Variants in GRIK3 observed in about 807,000 individuals in gnomAD.
The protein encoded by GRIK3 is glutamate ionotropic receptor kainate type subunit 3.
A neutral mutation model predicts 102.5 loss-of-function variants in GRIK3; 29 were observed. That is an observed-to-expected ratio of 0.28 (90% CI 0.21 to 0.39). GRIK3 has a LOEUF of 0.39. Ranked by LOEUF, GRIK3 falls within the 10% of genes least tolerant of loss-of-function variation. The pLI, the probability that GRIK3 is intolerant of heterozygous loss-of-function variation, is 1.00. For synonymous variants in GRIK3, 511 were observed against 504.9 expected, an observed-to-expected ratio of 1.01 and a Z score of -0.16; for missense variants, 908 against 1,252.4, an observed-to-expected ratio of 0.73 and a Z score of 4.15.
chr1:36,889,304 G>C (rs1641076516), intron 2 of GRIK3, among the ~76,000 whole-genome samples: 1 of 151,528 alleles, frequency 6.6e-6, no homozygotes, highest in African/African-American at 2.4e-5. Context: ...GGAATTACAA[G>C]CAGAGAGGGC....
At position 36,827,566 on chromosome 1, in the gene GRIK3, A is replaced by T. The variant is rs973735309; in HGVS notation, c.1531-1740T>A. Among the ~76,000 whole-genome samples the T allele has an allele frequency of 2.0e-5, 3 of 152,188 alleles. No individual in the cohort carries two copies. In the East Asian group the frequency reaches 5.8e-4, roughly 29 times the overall value. ...AACAGACACCAGGGATACAGAGCTGACCCAAACAGACATGACTTCTGCCCT... is the reference window on the plus strand; with the variant it reads ...AACAGACACCAGGGATACAGAGCTGTCCCAAACAGACATGACTTCTGCCCT... On this transcript the variant is annotated intron_variant, in intron 10 of 15. Transcript: ENST00000373091.
At chr1:36,894,236 A>G (rs1252931081) in intron 1 of GRIK3, among the ~76,000 whole-genome samples, 1 of 152,216 alleles carries the variant, frequency 6.6e-6, no homozygotes, top group Non-Finnish European at 1.5e-5. Context: ...AACATTTCAT[A>G]TAAATGGAAT....
intron 4 of GRIK3, among the ~76,000 whole-genome samples, chr1:36,871,458 G>A (rs1640842914): frequency 1.3e-5 from 2 of 152,348 alleles, no homozygotes; most frequent in South Asian, 4.1e-4. Context: ...CACCAGAAAT[G>A]CTTTCTGGGA....
At chr1:37,012,023 A>G (rs1467242006) in intron 1 of GRIK3, among the ~76,000 whole-genome samples, 1 of 152,096 alleles carries the variant, frequency 6.6e-6, no homozygotes, top group Non-Finnish European at 1.5e-5. Flanking sequence ...AGAGATCTCC[A>G]AGTCCTGTCT....
rs948206954 is a variant in GRIK3, at chr1:36,801,770, G to A, written c.*81C>T. 21 of 1,242,056 alleles carry A rather than the reference G, an allele frequency of 1.7e-5. No homozygotes were observed. The highest frequency in any genetic ancestry group is 4.5e-5 in the African/African-American group (3 of 66,590). 76.9% of individuals were successfully genotyped at this position (1,242,056 alleles called of 1,614,324 possible). ...CAGCTCTGGTCCCCAAGCCCAGTGC[G>A]GGGACAGGGGACGTTCCTTCCAATC... On this transcript the variant is annotated 3_prime_UTR_variant, in exon 16 of 16. Transcript: ENST00000373091.
chr1:36,968,579 T>A (rs1270972532), intron 1 of GRIK3, among the ~76,000 whole-genome samples: 1 of 152,200 alleles, frequency 6.6e-6, no homozygotes, highest in Non-Finnish European at 1.5e-5. Context: ...TGGTAGCTCC[T>A]CCACCTCTCT....
intron 3 of GRIK3, among the ~76,000 whole-genome samples, chr1:36,879,161 G>A (rs926548657): frequency 5.9e-5 from 9 of 151,984 alleles, no homozygotes; most frequent in Admixed American, 2.6e-4. Context: ...ATGTTGTCCC[G>A]TTTGTGTTTC....
Position 36,810,741 on chromosome 1 carries a change from C to T in GRIK3, c.2092-4415G>A, listed in dbSNP as rs111944137. On this transcript the variant is annotated intron_variant, in intron 13 of 15. Coordinates refer to ENST00000373091, the MANE Select transcript of GRIK3 (RefSeq NM_000831.4). Reference sequence around the variant, plus strand: ...TTATCTCTGAGTGTGGAATCTTTGGCCTTACTGGATCCATGGATTTGAGCA... The same window carrying T: ...TTATCTCTGAGTGTGGAATCTTTGGTCTTACTGGATCCATGGATTTGAGCA... Among the ~76,000 whole-genome samples the T allele has an allele frequency of 2.2e-3, 338 of 152,316 alleles. 1 individual carries two copies. Among genetic ancestry groups the T allele is most frequent in the African/African-American group, 7.8e-3 (326 of 41,550 alleles).
chr1:36,803,544 C>CTTCA (rs1557686078), intron 15 of GRIK3, among the ~76,000 whole-genome samples: 1 of 152,190 alleles, frequency 6.6e-6, no homozygotes, highest in Non-Finnish European at 1.5e-5. Flanking sequence ...GATTCTCCTG[C>CTTCA]TTCAGCCTCC....
chr1:36,888,209 C>T (rs535965103), intron 2 of GRIK3, among the ~76,000 whole-genome samples: 114 of 152,232 alleles, frequency 7.5e-4, no homozygotes, highest in Non-Finnish European at 9.4e-4. Context: ...GAACACTGTA[C>T]ATCAATGAAG....
chr1:36,999,246 G>A (rs957580325), intron 1 of GRIK3, among the ~76,000 whole-genome samples: 1 of 152,124 alleles, frequency 6.6e-6, no homozygotes, highest in African/African-American at 2.4e-5. Context: ...GGGTCTGAGG[G>A]GCATGGTCTG....
intron 13 of GRIK3, among the ~76,000 whole-genome samples, chr1:36,807,311 G>A (rs1052228739): frequency 3.3e-5 from 5 of 152,090 alleles, no homozygotes; most frequent in African/African-American, 4.8e-5. Flanking sequence ...CAGGGTGCAC[G>A]GCATTCATGA....
intron 1 of GRIK3, among the ~76,000 whole-genome samples, chr1:36,996,157 C>G (rs1642417179): frequency 6.6e-6 from 1 of 152,240 alleles, no homozygotes; most frequent in Non-Finnish European, 1.5e-5. Flanking sequence ...GTCCAAGGCC[C>G]TGCTTCCAGG....
Position 36,850,405 on chromosome 1 carries a change from G to A in GRIK3, c.1232C>T (p.Ala411Val). ...AACCTCAGTGATGTTGAGCCCGTCG[G>A]CAGGACTCCACACCCCAACCTGGAT... ...GLEKVGVWSP[A>V]DGLNITEVAK... The change falls in exon 9 of 16, where the codon GCC becomes GTC. Residue 411 changes from alanine (A) to valine (V), a missense_variant. Physicochemically the swap from Ala to Val is moderately conservative, Grantham distance 64. Transcript: ENST00000373091. The surrounding 1 kb of genome is among the most constrained non-coding windows in gnomAD (Gnocchi z 4.0). 1 of 1,612,224 alleles carries A rather than the reference G, an allele frequency of 6.2e-7. No homozygotes were observed. The highest frequency in any genetic ancestry group is 8.5e-7 in the Non-Finnish European group (1 of 1,178,248).
At chr1:36,882,977 T>C (rs1358246994) in intron 2 of GRIK3, among the ~76,000 whole-genome samples, 1 of 152,196 alleles carries the variant, frequency 6.6e-6, no homozygotes, top group African/African-American at 2.4e-5. Context: ...GACAGGGGAA[T>C]GACACTATGT....
chr1:36,824,530 G>T (rs933041360), intron 11 of GRIK3, among the ~76,000 whole-genome samples: 1 of 152,182 alleles, frequency 6.6e-6, no homozygotes, highest in African/African-American at 2.4e-5. Context: ...AGGAGGGAGC[G>T]GAAGGGAGTG....
chr1:37,010,869 G>A (rs1642588865), intron 1 of GRIK3, among the ~76,000 whole-genome samples: 1 of 151,902 alleles, frequency 6.6e-6, no homozygotes, highest in Non-Finnish European at 1.5e-5. Flanking sequence ...AGCCTCCCGA[G>A]TAGCTGGGAC....
At chr1:36,975,291 T>G (rs904475075) in intron 1 of GRIK3, among the ~76,000 whole-genome samples, 2 of 144,004 alleles carry the variant, frequency 1.4e-5, no homozygotes, top group Admixed American at 6.8e-5. Flanking sequence ...AAAGTTGGTT[T>G]TTTTTTTTTT....
Position 36,872,254 on chromosome 1 carries a change from C to T in GRIK3, c.666G>A (p.Lys222=). The part of the protein sequence containing the change: ...DDSRPLLKEM[K]RGREFRIIFD... ...AGATAATGCGGAATTCCCGGCCTCG[C>T]TTCATCTCCTTGAGCAAGGGGCGCG... The change falls in exon 4 of 16, where the codon AAG becomes AAA. Residue 222 remains lysine (K), a synonymous_variant. Coordinates refer to ENST00000373091, the MANE Select transcript of GRIK3 (RefSeq NM_000831.4). This position sits in a 1 kb window ranked among gnomAD's most constrained non-coding sequence, Gnocchi z 5.9. 2.5e-6 allele frequency: 4 copies of T among 1,612,790 alleles called. No homozygotes were observed. Among genetic ancestry groups the T allele is most frequent in the Non-Finnish European group, 3.4e-6 (4 of 1,179,450 alleles).
Sources: allele counts gnomAD v4.1 joint callset (sites outside exome capture counted in the v4.1 genomes callset), GRCh38; gene constraint gnomAD v4.1.1; non-coding constraint Gnocchi (gnomAD v3.1); transcripts MANE v1.5; gene names NCBI Gene and HGNC (gene_info 2026-07-23, HGNC 2026-07-21).